CCDC146: variants seen among roughly 807,000 people sequenced by gnomAD.
CCDC146 encodes coiled-coil domain containing 146.
Under a neutral mutation model 119.3 loss-of-function variants are expected in CCDC146, and 92 were observed. The observed-to-expected ratio is 0.77, with a 90% CI of 0.65 to 0.92. The LOEUF is 0.92. CCDC146 is among the 40% of genes least tolerant of loss of function. The probability of loss-of-function intolerance (pLI) is 0.00; values close to 1 mark genes in which losing one functional copy is unlikely to be tolerated. For synonymous variants in CCDC146, 372 were observed against 371.8 expected (o/e 1.00, Z -0.01); for missense variants, 1,000 against 1,103.0 (o/e 0.91, Z 1.32).
intron 1 of CCDC146, among the ~76,000 whole-genome samples, chr7:77,133,829 A>ACACACACACACACACACACACT: frequency 1.6e-5 from 1 of 62,412 alleles, no homozygotes; most frequent in Non-Finnish European, 4.4e-5. Context: ...ATGCTTAGGT[A>ACACACACACACACACACACACT]CACACACACA....
chr7:77,211,268 T>C (rs1477149232), intron 2 of CCDC146, among the ~76,000 whole-genome samples: 1 of 152,242 alleles, frequency 6.6e-6, no homozygotes, highest in African/African-American at 2.4e-5. Context: ...CATGAATCTC[T>C]AAACACCTTC....
intron 11 of CCDC146, among the ~76,000 whole-genome samples, chr7:77,276,048 A>G (rs1793628304): frequency 6.6e-6 from 1 of 151,936 alleles, no homozygotes; most frequent in Non-Finnish European, 1.5e-5. Context: ...CTCTACTGAA[A>G]TACAAAAATT....
chr7:77,206,992 CT>C (rs1486406337), intron 2 of CCDC146, among the ~76,000 whole-genome samples: 1 of 151,674 alleles, frequency 6.6e-6, no homozygotes, highest in Non-Finnish European at 1.5e-5. Context: ...CTTTGAAATT[CT>C]TTTTTTTAAA....
intron 7 of CCDC146, 177 bp from the exon 8 acceptor site, chr7:77,259,832 C>T (rs1243708035): frequency 5.4e-6 from 3 of 560,076 alleles, no homozygotes; most frequent in Non-Finnish European, 9.4e-6. Flanking sequence ...TCCCACCCAT[C>T]TGTGGTCTTT....
chr7:77,180,682 T>C (rs1034109422), intron 2 of CCDC146, among the ~76,000 whole-genome samples: 3 of 152,142 alleles, frequency 2.0e-5, no homozygotes, highest in Non-Finnish European at 4.4e-5. Flanking sequence ...TAGGTGAGAG[T>C]GAGACCTCGT....
chr7:77,141,120 C>T (rs938815879), intron 1 of CCDC146, among the ~76,000 whole-genome samples: 1 of 152,152 alleles, frequency 6.6e-6, no homozygotes, highest in Non-Finnish European at 1.5e-5. Context: ...CTCCCTGTGT[C>T]CCTGTGTTCT....
chr7:77,159,750 G>C (rs879783264), intron 1 of CCDC146, among the ~76,000 whole-genome samples: 15 of 152,298 alleles, frequency 9.8e-5, no homozygotes, highest in Non-Finnish European at 1.9e-4. Flanking sequence ...CCCACTAACA[G>C]TGTACAAGGG....
intron 1 of CCDC146, among the ~76,000 whole-genome samples, chr7:77,160,568 T>C (rs1362324188): frequency 1.3e-5 from 2 of 152,158 alleles, no homozygotes; most frequent in Non-Finnish European, 2.9e-5. Context: ...TGGCTCTCTG[T>C]TTGTCTATTA....
At chr7:77,176,109 A>G (rs776393211) in intron 2 of CCDC146, among the ~76,000 whole-genome samples, 4 of 151,144 alleles carry the variant, frequency 2.6e-5, no homozygotes, top group Non-Finnish European at 5.9e-5. Flanking sequence ...ATACCCATGT[A>G]TGCACATACT....
chr7:77,212,950 ATTTTTTT>A (rs5885013), intron 2 of CCDC146, among the ~76,000 whole-genome samples: 14,844 of 111,318 alleles, frequency 0.13, 927 homozygotes, highest in Non-Finnish European at 0.19. Context: ...GGTCACATTA[ATTTTTTT>A]TTTTTTTTTT....
chr7:77,177,549 A>C (rs568752507), intron 2 of CCDC146, among the ~76,000 whole-genome samples: 1 of 152,216 alleles, frequency 6.6e-6, no homozygotes, highest in Non-Finnish European at 1.5e-5. Flanking sequence ...GACATTGTTC[A>C]CTTGACATTC....
intron 7 of CCDC146, 67 bp from the exon 8 acceptor site, chr7:77,259,938 AAGTG>A (rs1793256634): frequency 1.1e-6 from 1 of 871,188 alleles, no homozygotes; most frequent in African/African-American, 2.1e-5. Context: ...AAAATAAGGC[AAGTG>A]TGTGTGTGTG....
chr7:77,262,089 T>A, intron 8 of CCDC146, 32 bp from the exon 9 acceptor site: 1 of 1,525,998 alleles, frequency 6.6e-7, no homozygotes, highest in Non-Finnish European at 8.8e-7. Context: ...GATAACAAAA[T>A]CATTTTCTTC....
At chr7:77,251,855 G>T (rs1793067581) in intron 4 of CCDC146, among the ~76,000 whole-genome samples, 1 of 152,090 alleles carries the variant, frequency 6.6e-6, no homozygotes, top group African/African-American at 2.4e-5. Context: ...GAATAAAAAT[G>T]AACAGATCCA....
chr7:77,127,391 G>A (rs1451483891), intron 1 of CCDC146, among the ~76,000 whole-genome samples: 1 of 152,134 alleles, frequency 6.6e-6, no homozygotes, highest in Admixed American at 6.5e-5. Context: ...ACTGCCCCAT[G>A]GAGTGGGAGG....
intron 2 of CCDC146, among the ~76,000 whole-genome samples, chr7:77,190,545 C>T (rs1408726235): frequency 1.3e-5 from 2 of 152,306 alleles, no homozygotes; most frequent in African/African-American, 2.4e-5. Context: ...AAGAAAGCAA[C>T]AGTGCCCTCC....
At position 77,287,303 on chromosome 7, in the gene CCDC146, A is replaced by G. The variant is rs558455917; in HGVS notation, c.2278-137A>G. 35 of 857,608 alleles carry G rather than the reference A, an allele frequency of 4.1e-5. No individual in the cohort carries two copies. The African/African-American group carries it at 5.5e-4, about 13-fold the overall frequency. 53.1% of individuals were successfully genotyped at this position (857,608 alleles called of 1,614,324 possible). On this transcript the variant is annotated intron_variant, in intron 16 of 18. Coordinates refer to ENST00000285871, the MANE Select transcript of CCDC146 (RefSeq NM_020879.3). ...GGTATCTGCAGGGGCTGGGGCAGGGAAAGTCTTAACCCAGCTCTAAACACT... is the reference window on the plus strand; with the variant it reads ...GGTATCTGCAGGGGCTGGGGCAGGGGAAGTCTTAACCCAGCTCTAAACACT...
Position 77,262,188 on chromosome 7 carries a change from C to T in CCDC146, c.1054C>T (p.Arg352Cys), listed in dbSNP as rs148455218. 8.9e-5 allele frequency: 144 copies of T among 1,613,652 alleles called. No homozygotes were observed. The highest frequency in any genetic ancestry group is 1.1e-4 in the Non-Finnish European group (124 of 1,179,882). Residue 352 changes from arginine to cysteine, a missense_variant, in exon 9 of 19, where the codon CGT becomes TGT. Arg to Cys is a radical substitution (Grantham distance 180, BLOSUM62 -3). Transcript: ENST00000285871. ...GCAGAACTACCATGATGAACTTTCT[C>T]GTAAGCAAAGAGAGAAAGAACGAGA... ...DKQNYHDELS[R>C]KQREKERDFR...
At chr7:77,125,372 T>C (rs1790678676) in intron 1 of CCDC146, among the ~76,000 whole-genome samples, 1 of 151,556 alleles carries the variant, frequency 6.6e-6, no homozygotes, top group South Asian at 2.1e-4. Flanking sequence ...ATAATAATAA[T>C]AAATTTAACA....
Sources: gnomAD v4.1 joint callset for allele counts (sites outside exome capture counted in the v4.1 genomes callset) on GRCh38, gnomAD v4.1.1 for gene constraint, MANE v1.5 for transcripts, NCBI Gene and HGNC (gene_info 2026-07-23, HGNC 2026-07-21) for gene names.